The following CCDC83 variants were observed in gnomAD, a reference collection of about 807,000 sequenced individuals.
CCDC83 encodes the protein coiled-coil domain-containing protein 83.
A neutral mutation model predicts 50.1 loss-of-function variants in CCDC83; 54 were observed. The observed-to-expected ratio is 1.08, with a 90% CI of 0.87 to 1.35. The LOEUF (loss-of-function observed/expected upper bound fraction) is 1.35, where lower values mean the gene tolerates loss of function less well. Among genes scored for constraint, CCDC83 ranks in the 40% most tolerant of loss-of-function variants. CCDC83 has a pLI of 0.00. For synonymous variants in CCDC83, 161 were observed against 153.3 expected (o/e 1.05, Z -0.37); for missense variants, 518 against 473.9 (o/e 1.09, Z -0.86).
chr11:85,879,222 A>AT (rs1205390170), intron 3 of CCDC83, among the ~76,000 whole-genome samples: 2 of 152,100 alleles, frequency 1.3e-5, no homozygotes, highest in East Asian at 1.9e-4. Context: ...AATCTCAAAG[A>AT]TTTTCTCCTA....
chr11:85,870,539 A>T (rs2093231176), intron 2 of CCDC83, among the ~76,000 whole-genome samples: 1 of 152,092 alleles, frequency 6.6e-6, no homozygotes, highest in African/African-American at 2.4e-5. Context: ...CACAAATGTA[A>T]GCTTTAGGTA....
chr11:85,918,844 G>T (rs2093495285), intron 10 of CCDC83, among the ~76,000 whole-genome samples: 1 of 152,276 alleles, frequency 6.6e-6, no homozygotes, highest in Admixed American at 6.5e-5. Flanking sequence ...TATTCACCTC[G>T]CACTTTACAA....
chr11:85,859,177 A>C (rs906035126), intron 1 of CCDC83, among the ~76,000 whole-genome samples: 1 of 145,866 alleles, frequency 6.9e-6, no homozygotes, highest in Non-Finnish European at 1.5e-5. Context: ...AAAAAAAAAA[A>C]AAACCCCTAG....
chr11:85,919,613 A>G lies in CCDC83; in HGVS notation c.*103A>G. 1 of 801,906 alleles carries G rather than the reference A, an allele frequency of 1.2e-6. No individual in the cohort carries two copies. Among genetic ancestry groups the G allele is most frequent in the South Asian group, 1.6e-5 (1 of 60,742 alleles). The allele number at this position is 801,906 out of a possible 1,614,324, so 49.7% of individuals were successfully genotyped here. A position where few individuals can be genotyped will look rare whatever the true frequency, so the allele number is the denominator to read the frequency against. On this transcript the variant is annotated 3_prime_UTR_variant, in exon 11 of 11. Transcript: ENST00000342404. ...TACTTACACTTTGGCTCATTTTTAA[A>G]CCAGCTGTTATTTCTAAAGGTCATA...
chr11:85,892,477 T>C (rs1180076097), intron 5 of CCDC83, among the ~76,000 whole-genome samples: 1 of 152,216 alleles, frequency 6.6e-6, no homozygotes, highest in Non-Finnish European at 1.5e-5. Context: ...TACACTTTTA[T>C]ATGGAAGTTG....
At position 85,897,457 on chromosome 11, in the gene CCDC83, C is replaced by T. The variant is rs112067738; in HGVS notation, c.604-1490C>T. ...CTGGCTATTTTATCATACAGTTCAA[C>T]ATCCTATAATCCCAATGCTGTGCAA... is the stretch of plus-strand genomic sequence containing the variant. On this transcript the variant is annotated intron_variant, in intron 6 of 10. Coordinates refer to ENST00000342404, the MANE Select transcript of CCDC83 (RefSeq NM_001286159.2). Among the ~76,000 whole-genome samples, 953 of 152,336 alleles carry T rather than the reference C, an allele frequency of 6.3e-3. 11 individuals carry two copies. Among genetic ancestry groups the T allele is most frequent in the African/African-American group, 0.022 (904 of 41,572 alleles).
Position 85,919,590 on chromosome 11 carries a change from C to A in CCDC83, c.*80C>A. The A allele has an allele frequency of 9.7e-7, 1 of 1,031,696 alleles. No homozygotes were observed. The highest frequency in any genetic ancestry group is 1.4e-6 in the Non-Finnish European group (1 of 696,678). 63.9% of individuals were successfully genotyped at this position (1,031,696 alleles called of 1,614,324 possible). ...TGAAGTATATCCGTTGCCCATTTTACTTACACTTTGGCTCATTTTTAAACC... is the reference window on the plus strand; with the variant it reads ...TGAAGTATATCCGTTGCCCATTTTAATTACACTTTGGCTCATTTTTAAACC... On this transcript the variant is annotated 3_prime_UTR_variant, in exon 11 of 11. Transcript: ENST00000342404.
At chr11:85,873,805 G>A (rs977014259) in intron 3 of CCDC83, among the ~76,000 whole-genome samples, 1 of 151,912 alleles carries the variant, frequency 6.6e-6, no homozygotes, top group Admixed American at 6.6e-5. Context: ...TATGACTATC[G>A]GGACTAAAGA....
intron 5 of CCDC83, among the ~76,000 whole-genome samples, chr11:85,887,659 C>CAT (rs145805921): frequency 0.021 from 3,119 of 148,598 alleles, 40 homozygotes; most frequent in African/African-American, 0.043. Flanking sequence ...ATATTCTATG[C>CAT]ATATATATAT....
intron 3 of CCDC83, 152 bp from the exon 4 acceptor site, chr11:85,882,361 T>G (rs1462530692): frequency 7.7e-6 from 5 of 647,138 alleles, no homozygotes; most frequent in African/African-American, 1.8e-5. Context: ...GAAGTAGGGA[T>G]ACCACCTCAT....
chr11:85,862,582 A>G (rs2153681956), intron 1 of CCDC83, among the ~76,000 whole-genome samples: 1 of 152,186 alleles, frequency 6.6e-6, no homozygotes, highest in East Asian at 1.9e-4. Context: ...GGCATTGAAT[A>G]GATGTTTGTA....
intron 10 of CCDC83, among the ~76,000 whole-genome samples, chr11:85,917,166 G>GAGAGAGAGAGAGAGGGAA (rs756949334): frequency 3.2e-5 from 2 of 62,416 alleles, no homozygotes; most frequent in African/African-American, 1.1e-4. Flanking sequence ...GAGAGAGAGA[G>GAGAGAGAGAGAGAGGGAA]AGAAAGAAAG....
chr11:85,893,278 C>T (rs963038796), intron 5 of CCDC83, among the ~76,000 whole-genome samples: 2 of 152,326 alleles, frequency 1.3e-5, no homozygotes, highest in Non-Finnish European at 2.9e-5. Context: ...TTTCTGCTCT[C>T]AGCGTTTTCA....
chr11:85,870,563 G>A (rs1038933082), intron 2 of CCDC83, among the ~76,000 whole-genome samples: 5 of 152,036 alleles, frequency 3.3e-5, no homozygotes, highest in Admixed American at 3.3e-4. Context: ...AGTCAAAGAT[G>A]AGCCAAGTGT....
chr11:85,919,523 CA>C lies in CCDC83; in HGVS notation c.*16del, dbSNP rs1565161714. The C allele has an allele frequency of 1.3e-6, 2 of 1,588,088 alleles. No individual in the cohort carries two copies. The highest frequency in any genetic ancestry group is 1.7e-6 in the Non-Finnish European group (2 of 1,164,918). On this transcript the variant is annotated 3_prime_UTR_variant, in exon 11 of 11. Transcript: ENST00000342404. ...GTCTTTTCTCTAAGACGGAAAGCTG[CA>C]AAGGAAACACAACTTTTCCTTATAA...
intron 8 of CCDC83, among the ~76,000 whole-genome samples, chr11:85,913,414 T>A (rs1388117232): frequency 1.3e-5 from 2 of 152,242 alleles, no homozygotes; most frequent in African/African-American, 2.4e-5. Context: ...TCTGCTAGAC[T>A]TCTTATGCAG....
chr11:85,911,204 G>GA, intron 7 of CCDC83, 77 bp from the exon 8 acceptor site: 5 of 1,015,480 alleles, frequency 4.9e-6, no homozygotes, highest in Non-Finnish European at 6.6e-6. Flanking sequence ...AAAGAAAAAA[G>GA]AAAAAAATAA....
chr11:85,909,825 C>A (rs971123014), intron 7 of CCDC83, among the ~76,000 whole-genome samples: 1 of 151,856 alleles, frequency 6.6e-6, no homozygotes, highest in Non-Finnish European at 1.5e-5. Context: ...GAATTAGCCA[C>A]ATTATTTTTC....
chr11:85,917,166 G>GAGAGAGAGAGAGAGAGAGAA (rs756949334), intron 10 of CCDC83, among the ~76,000 whole-genome samples: 4 of 62,444 alleles, frequency 6.4e-5, no homozygotes, highest in East Asian at 3.6e-4. Flanking sequence ...GAGAGAGAGA[G>GAGAGAGAGAGAGAGAGAGAA]AGAAAGAAAG....
Sources: allele counts gnomAD v4.1 joint callset (sites outside exome capture counted in the v4.1 genomes callset), GRCh38; gene constraint gnomAD v4.1.1; transcripts MANE v1.5; gene names NCBI Gene and HGNC (gene_info 2026-07-23, HGNC 2026-07-21).